ZNF385C: variants seen among roughly 807,000 people sequenced by gnomAD.
The protein encoded by ZNF385C is CTD-2132N18.2.
A neutral mutation model predicts 35.4 loss-of-function variants in ZNF385C; 28 were observed. The ratio of observed to expected loss-of-function variants is 0.79; its 90% confidence interval spans 0.59 to 1.08. The LOEUF is 1.08. Among genes scored for constraint, ZNF385C ranks in the 50% least tolerant of loss-of-function variants. ZNF385C has a pLI of 0.00. For synonymous variants in ZNF385C, 248 were observed against 248.2 expected (o/e 1.00, Z 0.01); for missense variants, 605 against 595.6 (o/e 1.02, Z -0.16).
chr17:42,084,768 G>C (rs1201755084), intron 1 of ZNF385C, among the ~76,000 whole-genome samples: 1 of 151,712 alleles, frequency 6.6e-6, no homozygotes, highest in Admixed American at 6.6e-5. Context: ...ACACCACCAT[G>C]CCCAGCTAAT....
rs1555654514 is a variant in ZNF385C at position 42,028,096 on chromosome 17, C to T, written c.1118G>A (p.Cys373Tyr). 19 of 1,613,658 alleles carry T rather than the reference C, an allele frequency of 1.2e-5. No individual in the cohort carries two copies. The East Asian group carries it at 4.0e-4, about 34-fold the overall frequency. ...GRQGPSPAFH[C>Y]ALCQLQVNSE... ...ATTGACCTGGAGCTGACAGAGAGCA[C>T]AGTGGAAGGCAGGGCTGGGCCCCTG... is the stretch of plus-strand genomic sequence containing the variant. The change falls in exon 7 of 9, where the codon TGT (cysteine) becomes TAT (tyrosine). Residue 373 changes from cysteine to tyrosine, a missense_variant. By Grantham distance (194) the Cys-to-Tyr change is radical. Coordinates refer to ENST00000692273, the MANE Select transcript of ZNF385C (RefSeq NM_001392013.1).
rs567502335 is a variant in ZNF385C, at chr17:42,088,528, G to A, written c.-3+9882C>T. Among the ~76,000 whole-genome samples the A allele has an allele frequency of 4.6e-5, 7 of 152,360 alleles. No homozygotes were observed. The South Asian group carries it at 6.2e-4, about 14-fold the overall frequency. ...CTGGGCGGCTCCAGCCACGGGACTC[G>A]AGGTAGGTGGATCCCAGGGCCATTC... On this transcript the variant is annotated intron_variant, in intron 1 of 8. Coordinates refer to ENST00000692273, the MANE Select transcript of ZNF385C (RefSeq NM_001392013.1).
At chr17:42,059,414 C>T (rs2053427630) in intron 2 of ZNF385C, among the ~76,000 whole-genome samples, 1 of 152,168 alleles carries the variant, frequency 6.6e-6, no homozygotes. Context: ...TTCACAGGTC[C>T]AATTTAACAA....
At chr17:42,090,364 G>A (rs1402642659) in intron 1 of ZNF385C, among the ~76,000 whole-genome samples, 2 of 134,466 alleles carry the variant, frequency 1.5e-5, no homozygotes, top group African/African-American at 5.8e-5. Flanking sequence ...TCGGCTCACT[G>A]CAACCTCCAC....
Position 42,034,275 on chromosome 17 carries a change from T to A in ZNF385C, c.460A>T (p.Lys154Ter), listed in dbSNP as rs2143570987. 1 of 1,550,632 alleles carries A rather than the reference T, an allele frequency of 6.4e-7. No individual in the cohort carries two copies. The change falls in exon 4 of 9, where the codon AAG becomes TAG. Residue 154 changes from lysine to a stop codon, truncating the protein, a stop_gained. Transcript: ENST00000692273. LOFTEE classifies it high-confidence loss of function. ...ATGTTACAGGAAATGAACAGCTTCTTCTTCAGAGGGGAGGGGACACCAAAC... is the reference window on the plus strand; with the variant it reads ...ATGTTACAGGAAATGAACAGCTTCTACTTCAGAGGGGAGGGGACACCAAAC... ...HTFGVPSPLK[K>*]KLFISCNICH...
intron 5 of ZNF385C, among the ~76,000 whole-genome samples, chr17:42,029,685 G>T (rs2143523710): frequency 6.6e-6 from 1 of 152,182 alleles, no homozygotes; most frequent in East Asian, 1.9e-4. Context: ...CTGCACTCCA[G>T]CCTGGGCGAC....
chr17:42,089,780 C>T (rs571651444), intron 1 of ZNF385C, among the ~76,000 whole-genome samples: 11 of 152,094 alleles, frequency 7.2e-5, no homozygotes, highest in Admixed American at 2.6e-4. Context: ...AGAATGTGTA[C>T]GGAATCGATG....
intron 2 of ZNF385C, chr17:42,040,922 A>G: frequency 1.6e-6 from 2 of 1,232,164 alleles, no homozygotes; most frequent in East Asian, 3.2e-5. Context: ...GGGAGGCTTG[A>G]GCTGAGCCAG....
At chr17:42,037,614 G>C in intron 3 of ZNF385C, 123 bp downstream of exon 3, 1 of 1,231,990 alleles carries the variant, frequency 8.1e-7, no homozygotes, top group South Asian at 1.7e-5. Context: ...ATCCCCTCTG[G>C]GGGATGTTGG....
intron 8 of ZNF385C, 48 bp from the exon 9 acceptor site, chr17:42,027,181 C>A: frequency 6.4e-7 from 1 of 1,555,180 alleles, no homozygotes; most frequent in Non-Finnish European, 8.9e-7. Flanking sequence ...CCAGAAAACC[C>A]CACCCCCTCC....
rs1296146494 is a variant in ZNF385C, at chr17:42,064,069, CACAT to C, written c.-2-1015_-2-1012del. Among the ~76,000 whole-genome samples the C allele has an allele frequency of 3.7e-3, 352 of 95,084 alleles. 3 individuals carry two copies. The highest frequency in any genetic ancestry group is 0.014 in the African/African-American group (340 of 24,044). The allele number at this position is 95,084 out of a possible 152,430, so 62.4% of individuals were successfully genotyped here. On this transcript the variant is annotated intron_variant, in intron 1 of 8. Transcript: ENST00000692273. ...CCCTGTCCCCCAACGCGCGCACACG[CACAT>C]ACACACACACACACACACACACACA... is the stretch of plus-strand genomic sequence containing the variant.
chr17:42,039,858 C>G (rs1555655905), intron 2 of ZNF385C: 2 of 1,231,616 alleles, frequency 1.6e-6, no homozygotes, highest in African/African-American at 3.1e-5. Context: ...TCTGCCCCCA[C>G]CACCGCAGCT....
rs939322906 is a variant in ZNF385C, at chr17:42,050,863, C to A, written c.250+11944G>T. 6.6e-6 allele frequency among the ~76,000 whole-genome samples: 1 copy of A among 152,014 alleles called. No homozygotes were observed. Among genetic ancestry groups the A allele is most frequent in the Non-Finnish European group, 1.5e-5 (1 of 67,950 alleles). ...GCGCGGTGCCGGGGTTCATTCGGTC[C>A]GCGCATGTATCCGGGGTTCCTCGAG... On this transcript the variant is annotated intron_variant, in intron 2 of 8. Transcript: ENST00000692273. This position sits in a 1 kb window ranked among gnomAD's most constrained non-coding sequence, Gnocchi z 5.6.
intron 1 of ZNF385C, among the ~76,000 whole-genome samples, chr17:42,082,675 G>A (rs1201504249): frequency 6.6e-6 from 1 of 152,258 alleles, no homozygotes; most frequent in East Asian, 1.9e-4. Flanking sequence ...GTTCATGCCT[G>A]TAATCCCAGC....
chr17:42,086,031 G>A lies in ZNF385C; in HGVS notation c.-3+12379C>T, dbSNP rs2053803613. Among the ~76,000 whole-genome samples, 3 of 152,164 alleles carry A rather than the reference G, an allele frequency of 2.0e-5. No homozygotes were observed. The South Asian group carries it at 6.2e-4, about 32-fold the overall frequency. ...TGCAGTGAGCCATGATTGTGCCATTGCACTCCAGCCTGGGCAGCAGAGCAA... is the reference window on the plus strand; with the variant it reads ...TGCAGTGAGCCATGATTGTGCCATTACACTCCAGCCTGGGCAGCAGAGCAA... On this transcript the variant is annotated intron_variant, in intron 1 of 8. Transcript: ENST00000692273.
chr17:42,044,289 T>C (rs1430265441), intron 2 of ZNF385C, among the ~76,000 whole-genome samples: 2 of 107,810 alleles, frequency 1.9e-5, no homozygotes, highest in Admixed American at 2.4e-4. Flanking sequence ...GACTGGGTAA[T>C]AGAGCTAGAC....
At chr17:42,061,366 G>A (rs2053459665) in intron 2 of ZNF385C, 1 of 151,672 alleles carries the variant, frequency 6.6e-6, no homozygotes, top group Admixed American at 6.6e-5. Context: ...GACTACAGGT[G>A]TGTGCCACCA....
chr17:42,068,358 C>G (rs2053577512), intron 1 of ZNF385C, among the ~76,000 whole-genome samples: 1 of 152,198 alleles, frequency 6.6e-6, no homozygotes, highest in South Asian at 2.1e-4. Flanking sequence ...AGTGGACTTG[C>G]TTCAAAGCAA....
At chr17:42,033,150 G>A (rs1468301080) in intron 4 of ZNF385C, among the ~76,000 whole-genome samples, 1 of 152,046 alleles carries the variant, frequency 6.6e-6, no homozygotes, top group Non-Finnish European at 1.5e-5. Context: ...CTTGAAACAT[G>A]GGAAAGACAG....
Sources: gnomAD v4.1 joint callset for allele counts (sites outside exome capture counted in the v4.1 genomes callset) on GRCh38, gnomAD v4.1.1 for gene constraint, Gnocchi (gnomAD v3.1) non-coding constraint, MANE v1.5 for transcripts, NCBI Gene and HGNC (gene_info 2026-07-23, HGNC 2026-07-21) for gene names.